The following HOXC4 variants were observed in gnomAD, a reference collection of about 807,000 sequenced individuals.
HOXC4 encodes the protein homeobox protein Hox-C4.
A neutral mutation model predicts 25.5 loss-of-function variants in HOXC4; 15 were observed. That is an observed-to-expected ratio of 0.59 (90% CI 0.39 to 0.91). HOXC4 has a LOEUF of 0.91. HOXC4 is among the 40% of genes least tolerant of loss of function. The pLI is 0.00. For synonymous variants in HOXC4, 165 were observed against 148.0 expected (o/e 1.11, Z -0.83); for missense variants, 342 against 352.4 (o/e 0.97, Z 0.24).
At chr12:54,027,125 T>C (rs56112137) in intron 1 of HOXC4, among the ~76,000 whole-genome samples, 4,886 of 152,384 alleles carry the variant, frequency 0.032, 133 homozygotes, top group Middle Eastern at 0.051. Context: ...TCAGTTCGCC[T>C]ACTGCGGCTC....
At chr12:54,035,910 C>A (rs2136452288) in intron 1 of HOXC4, among the ~76,000 whole-genome samples, 2 of 152,208 alleles carry the variant, frequency 1.3e-5, no homozygotes, top group South Asian at 4.2e-4. Context: ...ATCTAAGATA[C>A]TGGGGAAGAG....
At chr12:54,037,796 G>A (rs1465341694) in intron 1 of HOXC4, 3 of 152,216 alleles carry the variant, frequency 2.0e-5, no homozygotes, top group African/African-American at 7.2e-5. Context: ...AGTGGCTCTT[G>A]GGGGACCACG....
In HOXC4 at chr12:54,053,994, G is replaced by T. The variant is rs769000210; in HGVS notation, c.72G>T (p.Ser24=). The part of the protein sequence containing the change: ...DPKFPPCEEY[S]QNSYIPEHSP... ...AATTTCCTCCATGCGAAGAATATTC[G>T]CAAAATAGCTACATCCCTGAACACA... Residue 24 remains serine (S), a synonymous_variant, in exon 1 of 2, where the codon TCG becomes TCT. Transcript: ENST00000430889. 35 of 1,613,964 alleles carry T rather than the reference G, an allele frequency of 2.2e-5. No individual in the cohort carries two copies. The Admixed American group carries it at 5.8e-4, about 27-fold the overall frequency.
In HOXC4 at chr12:54,036,763, G is replaced by T. The variant is rs140997173; in HGVS notation, c.-123-16397G>T. On this transcript the variant is annotated intron_variant, in intron 1 of 3. Coordinates refer to the HOXC4 transcript ENST00000303406. ...TCTCCATGCTGAGTAAAACTATTGAGTGAGCAGTGAAGCGTGGAGAAGCAC... is the reference window on the plus strand; with the variant it reads ...TCTCCATGCTGAGTAAAACTATTGATTGAGCAGTGAAGCGTGGAGAAGCAC... Among the ~76,000 whole-genome samples the T allele has an allele frequency of 2.5e-4, 38 of 152,292 alleles. No individual in the cohort carries two copies. The Middle Eastern group carries it at 0.027, about 109-fold the overall frequency.
intron 1 of HOXC4, among the ~76,000 whole-genome samples, chr12:54,027,645 T>G (rs945785464): frequency 8.5e-5 from 13 of 152,304 alleles, no homozygotes; most frequent in Middle Eastern, 3.4e-3. Flanking sequence ...ATTGCATTTT[T>G]TATACATTTT....
At chr12:54,021,801 G>C (rs1050564330) in intron 1 of HOXC4, 1 of 152,582 alleles carries the variant, frequency 6.6e-6, no homozygotes, top group Admixed American at 6.5e-5. Context: ...TATTGTGTCT[G>C]TGAGTTGTTT....
chr12:54,047,466 C>G (rs1439734201), intron 1 of HOXC4, among the ~76,000 whole-genome samples: 1 of 152,198 alleles, frequency 6.6e-6, no homozygotes, highest in African/African-American at 2.4e-5. Context: ...CGCCGGCCGC[C>G]GAGGGGCCGC....
chr12:54,047,682 G>A (rs572616036), intron 1 of HOXC4: 35 of 152,362 alleles, frequency 2.3e-4, no homozygotes, highest in African/African-American at 7.0e-4. Flanking sequence ...AGCGGCTTAG[G>A]GACGTGGCTC....
intron 1 of HOXC4, among the ~76,000 whole-genome samples, chr12:54,023,791 GC>G (rs1160733180): frequency 5.3e-5 from 8 of 152,252 alleles, no homozygotes; most frequent in Admixed American, 4.6e-4. Flanking sequence ...GGTGTGTGTA[GC>G]GGGGGCAGGT....
chr12:54,024,361 G>A (rs1940591235), intron 1 of HOXC4, among the ~76,000 whole-genome samples: 1 of 152,122 alleles, frequency 6.6e-6, no homozygotes, highest in Admixed American at 6.5e-5. Flanking sequence ...GCAGCCTCAG[G>A]AGGCACCGAG....
intron 1 of HOXC4, chr12:54,030,117 T>G: frequency 1.4e-6 from 1 of 699,444 alleles, no homozygotes; most frequent in East Asian, 2.8e-5. Flanking sequence ...GAAAGTCAGC[T>G]CTGGACCCCC....
upstream of HOXC4, among the ~76,000 whole-genome samples, chr12:54,049,798 A>G (rs890540418): frequency 7.2e-6 from 1 of 138,192 alleles, no homozygotes; most frequent in Non-Finnish European, 1.6e-5. Flanking sequence ...ACACACACAC[A>G]CGAAAAAAAT....
At chr12:54,037,339 TGG>T (rs996607292) in intron 1 of HOXC4, among the ~76,000 whole-genome samples, 3 of 152,172 alleles carry the variant, frequency 2.0e-5, no homozygotes. Context: ...GGCATTGCTC[TGG>T]GGGAGTTTAT....
intron 1 of HOXC4, chr12:54,033,141 A>C (rs897255075): frequency 6.2e-7 from 1 of 1,610,056 alleles, no homozygotes; most frequent in African/African-American, 1.3e-5. Context: ...CTACGTAGCC[A>C]ATTCATTCTA....
In HOXC4 at chr12:54,056,007, A is replaced by T. The variant is rs1183759967; in HGVS notation, c.*802A>T. The T allele has an allele frequency of 3.3e-5, 5 of 152,644 alleles. No homozygotes were observed. Among genetic ancestry groups the T allele is most frequent in the Non-Finnish European group, 5.9e-5 (4 of 68,030 alleles). 9.5% of individuals were successfully genotyped at this position (152,644 alleles called of 1,614,324 possible). ...TGAAATGCCCCGTGATCAATAATAA[A>T]CCAGTGGATGTGAATTAGTTTTACG... On this transcript the variant is annotated 3_prime_UTR_variant, in exon 2 of 2. Transcript: ENST00000430889.
At chr12:54,046,166 T>C (rs1026049872) in intron 1 of HOXC4, among the ~76,000 whole-genome samples, 7 of 152,200 alleles carry the variant, frequency 4.6e-5, no homozygotes, top group African/African-American at 1.4e-4. Flanking sequence ...TCCCCAGTTG[T>C]TCTCGGTGCC....
intron 1 of HOXC4, among the ~76,000 whole-genome samples, chr12:54,047,252 G>A (rs915966081): frequency 1.1e-4 from 16 of 152,232 alleles, no homozygotes; most frequent in African/African-American, 3.9e-4. Context: ...AGGCCTGAAG[G>A]GATAACCCAC....
chr12:54,047,903 C>T (rs868045158), intron 1 of HOXC4: 28 of 152,192 alleles, frequency 1.8e-4, no homozygotes, highest in African/African-American at 6.8e-4. Flanking sequence ...CCACTGGTGC[C>T]ACGATTTTGC....
At chr12:54,050,993 A>T (rs1242456815), upstream of HOXC4, among the ~76,000 whole-genome samples, 2 of 152,168 alleles carry the variant, frequency 1.3e-5, no homozygotes, top group Non-Finnish European at 2.9e-5. Context: ...GCCCAAAGTC[A>T]GTCTCCTTGA....
Sources: gnomAD v4.1 joint callset for allele counts (sites outside exome capture counted in the v4.1 genomes callset) on GRCh38, gnomAD v4.1.1 for gene constraint, MANE v1.5 for transcripts, NCBI Gene and HGNC (gene_info 2026-07-23, HGNC 2026-07-21) for gene names.